The following LDLRAD4 variants were observed in gnomAD, a reference collection of about 807,000 sequenced individuals.
The protein encoded by LDLRAD4 is low density lipoprotein receptor class A domain containing 4.
A neutral mutation model predicts 17.0 loss-of-function variants in LDLRAD4; 5 were observed. That is an observed-to-expected ratio of 0.29 (90% CI 0.15 to 0.62). LDLRAD4 has a LOEUF of 0.62. LDLRAD4 is among the 20% of genes least tolerant of loss of function. The pLI, the probability that LDLRAD4 is intolerant of heterozygous loss-of-function variation, is 0.84. For missense variants in LDLRAD4, 340 were observed against 424.7 expected (o/e 0.80, Z 1.75); for synonymous variants, 168 against 171.8 (o/e 0.98, Z 0.17).
At chr18:13,415,073 G>A (rs1036364515) in intron 2 of LDLRAD4, among the ~76,000 whole-genome samples, 12 of 152,208 alleles carry the variant, frequency 7.9e-5, no homozygotes, top group African/African-American at 2.9e-4. Context: ...TGAGAGTACA[G>A]CTGGGCTGGG....
intron 1 of LDLRAD4, chr18:13,279,303 C>T (rs1171395921): frequency 6.6e-6 from 1 of 152,268 alleles, no homozygotes; most frequent in Non-Finnish European, 1.5e-5. Context: ...CTGCTCTTCG[C>T]TGGCTTGGTG....
At chr18:13,453,212 G>T (rs889773978) in intron 3 of LDLRAD4, among the ~76,000 whole-genome samples, 1 of 152,190 alleles carries the variant, frequency 6.6e-6, no homozygotes, top group Non-Finnish European at 1.5e-5. Context: ...TGGTGTGCCT[G>T]TGGTTGCGTG....
chr18:13,538,832 C>T (rs1040260987), intron 3 of LDLRAD4, among the ~76,000 whole-genome samples: 2 of 152,184 alleles, frequency 1.3e-5, no homozygotes, highest in Non-Finnish European at 2.9e-5. Context: ...GGCCTTATGA[C>T]TCTTACTGGG....
At chr18:13,519,380 C>T (rs1209213771) in intron 3 of LDLRAD4, among the ~76,000 whole-genome samples, 1 of 152,208 alleles carries the variant, frequency 6.6e-6, no homozygotes, top group African/African-American at 2.4e-5. Flanking sequence ...TCAGCTCTTT[C>T]CCTGTCTGCC....
chr18:13,437,318 C>A (rs1011747715), intron 2 of LDLRAD4, among the ~76,000 whole-genome samples: 7 of 152,212 alleles, frequency 4.6e-5, no homozygotes, highest in Non-Finnish European at 8.8e-5. Context: ...GTGAATCCTG[C>A]CAGCTTCTGT....
intron 1 of LDLRAD4, among the ~76,000 whole-genome samples, chr18:13,256,776 G>A (rs2043527553): frequency 6.6e-6 from 1 of 152,210 alleles, no homozygotes; most frequent in South Asian, 2.1e-4. Context: ...CTTTCCTAAG[G>A]AAGGCGTCAA....
At chr18:13,298,812 T>C (rs1275888204) in intron 1 of LDLRAD4, among the ~76,000 whole-genome samples, 2 of 152,184 alleles carry the variant, frequency 1.3e-5, no homozygotes, top group East Asian at 3.9e-4. Context: ...CTGCCTGAAC[T>C]TGGGATTGCT....
intron 2 of LDLRAD4, among the ~76,000 whole-genome samples, chr18:13,433,182 G>A (rs185555885): frequency 5.3e-5 from 8 of 152,262 alleles, no homozygotes; most frequent in Admixed American, 2.0e-4. Context: ...TGGCTTACAC[G>A]TCACTGGCAG....
chr18:13,565,580 C>T (rs897432667), intron 3 of LDLRAD4, among the ~76,000 whole-genome samples: 24 of 152,228 alleles, frequency 1.6e-4, no homozygotes, highest in Non-Finnish European at 2.4e-4. Flanking sequence ...GGCTGTGGAA[C>T]GAGCCAGCCC....
chr18:13,368,144 G>C (rs190850174), intron 1 of LDLRAD4, among the ~76,000 whole-genome samples: 53 of 152,276 alleles, frequency 3.5e-4, no homozygotes, highest in African/African-American at 1.2e-3. Context: ...AGCAGATAAA[G>C]GTGTGGAGCC....
intron 3 of LDLRAD4, among the ~76,000 whole-genome samples, chr18:13,564,604 A>AC (rs1420890946): frequency 6.6e-6 from 1 of 150,908 alleles, no homozygotes; most frequent in Non-Finnish European, 1.5e-5. Context: ...AAAAAAAAAA[A>AC]AACTCACAAA....
chr18:13,463,567 G>A (rs1226216168), intron 3 of LDLRAD4, among the ~76,000 whole-genome samples: 3 of 152,162 alleles, frequency 2.0e-5, no homozygotes, highest in Admixed American at 6.5e-5. Context: ...AATACATCAC[G>A]CCTTTGGATG....
At position 13,400,165 on chromosome 18, in the gene LDLRAD4, A is replaced by G. The variant is rs150044935; in HGVS notation, c.40+12403A>G. ...ACAAAACTGGAAAATATTTCGTGGAATAAAATGCTACATAATTTGCTTGGA... is the reference window on the plus strand; with the variant it reads ...ACAAAACTGGAAAATATTTCGTGGAGTAAAATGCTACATAATTTGCTTGGA... On this transcript the variant is annotated intron_variant, in intron 2 of 5. Transcript: ENST00000359446. 9.6e-4 allele frequency among the ~76,000 whole-genome samples: 147 copies of G among 152,378 alleles called. 1 individual carries two copies. The East Asian group carries it at 0.025, about 26-fold the overall frequency.
intron 1 of LDLRAD4, among the ~76,000 whole-genome samples, chr18:13,363,286 C>T (rs148062400): frequency 0.01 from 1,466 of 141,400 alleles, 26 homozygotes; most frequent in African/African-American, 0.037. Flanking sequence ...GAGCCGAGAT[C>T]GCGCCACTGC....
intron 3 of LDLRAD4, among the ~76,000 whole-genome samples, chr18:13,597,430 G>A (rs1224769198): frequency 6.6e-6 from 1 of 152,076 alleles, no homozygotes; most frequent in Non-Finnish European, 1.5e-5. Flanking sequence ...TGTAATTCCT[G>A]AGTGTATAGA....
chr18:13,417,589 C>T (rs2089029166), intron 2 of LDLRAD4, among the ~76,000 whole-genome samples: 1 of 152,102 alleles, frequency 6.6e-6, no homozygotes, highest in South Asian at 2.1e-4. Context: ...CCCGCCACCA[C>T]ACCTGGCTAA....
At chr18:13,526,705 G>T (rs67209736) in intron 3 of LDLRAD4, 1 of 152,156 alleles carries the variant, frequency 6.6e-6, no homozygotes. Flanking sequence ...ATGTGTCATC[G>T]TTTCATCTTT....
chr18:13,503,874 T>C lies in LDLRAD4; in HGVS notation c.181+65490T>C, dbSNP rs182582921. 1.6e-3 allele frequency among the ~76,000 whole-genome samples: 243 copies of C among 152,296 alleles called. 3 individuals carry two copies. Among genetic ancestry groups the C allele is most frequent in the Admixed American group, 2.5e-3 (38 of 15,306 alleles). ...ATGATAGAGTAAAATGATTTGTTCATTTTCCAGATTTTAGGTAACATGGAT... is the reference window on the plus strand; with the variant it reads ...ATGATAGAGTAAAATGATTTGTTCACTTTCCAGATTTTAGGTAACATGGAT... On this transcript the variant is annotated intron_variant, in intron 3 of 5. Transcript: ENST00000359446.
chr18:13,575,725 G>A (rs1022937457), intron 3 of LDLRAD4, among the ~76,000 whole-genome samples: 25 of 152,138 alleles, frequency 1.6e-4, no homozygotes, highest in African/African-American at 6.0e-4. Context: ...CCGCATCCAC[G>A]CCAACATCTG....
Sources: gnomAD v4.1 joint callset for allele counts (sites outside exome capture counted in the v4.1 genomes callset) on GRCh38, gnomAD v4.1.1 for gene constraint, MANE v1.5 for transcripts, NCBI Gene and HGNC (gene_info 2026-07-23, HGNC 2026-07-21) for gene names.